The following TENM3 variants were observed in gnomAD, a reference collection of about 807,000 sequenced individuals.
The protein encoded by TENM3 is teneurin transmembrane protein 3.
A neutral mutation model predicts 255.1 loss-of-function variants in TENM3; 63 were observed. The ratio of observed to expected loss-of-function variants is 0.25; its 90% CI spans 0.20 to 0.30. The LOEUF (loss-of-function observed/expected upper bound fraction) is 0.30. Ranked by LOEUF, TENM3 falls within the 10% of genes least tolerant of loss-of-function variation. The pLI, the probability that TENM3 is intolerant of heterozygous loss-of-function variation, is 1.00. For synonymous variants in TENM3, 1,306 were observed against 1,322.3 expected, an observed-to-expected ratio of 0.99 and a Z score of 0.27; for missense variants, 2,929 against 3,461.1, an observed-to-expected ratio of 0.85 and a Z score of 3.86.
chr4:182,365,433 T>G (rs1364559380), intron 3 of TENM3, among the ~76,000 whole-genome samples: 1 of 152,146 alleles, frequency 6.6e-6, no homozygotes, highest in Non-Finnish European at 1.5e-5. Context: ...TAGACATAGG[T>G]GTAAGTTTCA....
chr4:181,453,242 G>A, the TENM3 span, among the ~76,000 whole-genome samples: 1 of 152,170 alleles, frequency 6.6e-6, no homozygotes, highest in African/African-American at 2.4e-5. Context: ...AAGACAGGAA[G>A]TGTCTGGTGT....
intron 24 of TENM3, among the ~76,000 whole-genome samples, chr4:182,779,886 G>A (rs903537252): frequency 1.3e-4 from 20 of 152,150 alleles, no homozygotes; most frequent in African/African-American, 3.6e-4. Flanking sequence ...CGTGTCCTTC[G>A]CCCACTTTTT....
At chr4:182,550,825 T>C (rs561944638) in intron 3 of TENM3, among the ~76,000 whole-genome samples, 1 of 152,204 alleles carries the variant, frequency 6.6e-6, no homozygotes, top group South Asian at 2.1e-4. Context: ...TCCTGAGGCG[T>C]TGGGATTGGG....
chr4:182,357,145 C>T (rs13113422), intron 3 of TENM3, among the ~76,000 whole-genome samples: 1 of 151,906 alleles, frequency 6.6e-6, no homozygotes, highest in Non-Finnish European at 1.5e-5. Flanking sequence ...GGTTCCAAGT[C>T]TTTGCTATTG....
chr4:182,580,747 A>C (rs1362585689), intron 3 of TENM3, among the ~76,000 whole-genome samples: 1 of 152,200 alleles, frequency 6.6e-6, no homozygotes, highest in African/African-American at 2.4e-5. Flanking sequence ...TTTACTGCTA[A>C]CCCTGATGGG....
chr4:182,271,456 C>T (rs1429055012), intron 1 of TENM3, among the ~76,000 whole-genome samples: 1 of 152,130 alleles, frequency 6.6e-6, no homozygotes, highest in Non-Finnish European at 1.5e-5. Flanking sequence ...GGTGGAGGCG[C>T]AGGACATCAG....
At chr4:182,080,965 T>A in the TENM3 span, among the ~76,000 whole-genome samples, 1 of 152,230 alleles carries the variant, frequency 6.6e-6, no homozygotes, top group African/African-American at 2.4e-5. Flanking sequence ...CACTCCAGCC[T>A]GGGTGACAGA....
chr4:182,705,848 C>CTTGTTTTTAT (rs1254658520), intron 12 of TENM3, among the ~76,000 whole-genome samples: 1 of 152,146 alleles, frequency 6.6e-6, no homozygotes, highest in East Asian at 1.9e-4. Context: ...TTTCAACTTA[C>CTTGTTTTTAT]TTGTTTTTAT....
At chr4:182,562,988 CT>C (rs1246136731) in intron 3 of TENM3, among the ~76,000 whole-genome samples, 1 of 151,890 alleles carries the variant, frequency 6.6e-6, no homozygotes, top group African/African-American at 2.4e-5. Flanking sequence ...GCTTTAACAA[CT>C]TTTTTTTTCC....
chr4:181,892,076 C>T, the TENM3 span, among the ~76,000 whole-genome samples: 17 of 152,198 alleles, frequency 1.1e-4, no homozygotes, highest in Admixed American at 6.5e-5. Context: ...TGATCTTGGA[C>T]TTCCCAGTCT....
chr4:181,919,881 CCCT>C, the TENM3 span, among the ~76,000 whole-genome samples: 1 of 107,002 alleles, frequency 9.3e-6, no homozygotes, highest in Non-Finnish European at 1.8e-5. Context: ...TATCCCTCCC[CCCT>C]CCCCCCACCC....
chr4:182,754,878 T>C lies in TENM3; in HGVS notation c.4511T>C (p.Leu1504Ser). The C allele has an allele frequency of 6.2e-7, 1 of 1,614,068 alleles. No homozygotes were observed. The highest frequency in any genetic ancestry group is 8.5e-7 in the Non-Finnish European group (1 of 1,179,902). Residue 1504 changes from leucine to serine, a missense_variant, in exon 22 of 28, where the codon TTA (leucine) becomes TCA (serine). Physicochemically the swap from Leu to Ser is moderately radical, Grantham distance 145. Around this residue, in one of 6 missense-constraint regions of TENM3, gnomAD observed 1,608 missense variants for 1,884.4 expected, o/e 0.85. Coordinates refer to ENST00000511685, the MANE Select transcript of TENM3 (RefSeq NM_001080477.4). This position sits in a 1 kb window ranked among gnomAD's most constrained non-coding sequence, Gnocchi z 5.1. ...CGGGCTGTGTCAAAGAATAAGCCTT[T>C]ACTTAACTCTATGAACTTCTATGAA... ...RIRAVSKNKP[L>S]LNSMNFYEVA...
the TENM3 span, among the ~76,000 whole-genome samples, chr4:181,727,908 T>C: frequency 6.6e-6 from 1 of 152,370 alleles, no homozygotes; most frequent in East Asian, 1.9e-4. Context: ...AAGTCTACTA[T>C]GCCTTAATTT....
chr4:181,850,887 A>C, the TENM3 span, among the ~76,000 whole-genome samples: 1 of 151,962 alleles, frequency 6.6e-6, no homozygotes, highest in East Asian at 1.9e-4. Context: ...TTTCTCCTTC[A>C]CTCCATTCCA....
the TENM3 span, among the ~76,000 whole-genome samples, chr4:181,574,557 C>T: frequency 6.6e-6 from 1 of 151,536 alleles, no homozygotes; most frequent in Admixed American, 6.6e-5. Context: ...AAAAAAATGT[C>T]TTCCAGTTTA....
the TENM3 span, among the ~76,000 whole-genome samples, chr4:181,548,938 C>G: frequency 6.6e-6 from 1 of 152,264 alleles, no homozygotes; most frequent in Admixed American, 6.5e-5. Context: ...AAGGTAAAAA[C>G]AGAAGGTAAC....
At chr4:182,693,316 A>AT in intron 12 of TENM3, among the ~76,000 whole-genome samples, 1 of 152,018 alleles carries the variant, frequency 6.6e-6, no homozygotes, top group Middle Eastern at 3.4e-3. Context: ...TTTATTCACT[A>AT]TAACTGGTAT....
At chr4:182,524,553 G>C (rs1738945152) in intron 3 of TENM3, among the ~76,000 whole-genome samples, 1 of 151,494 alleles carries the variant, frequency 6.6e-6, no homozygotes, top group South Asian at 2.1e-4. Flanking sequence ...TAGAGGCAGA[G>C]TTTTGCTATG....
At chr4:182,589,068 A>G (rs1222970852) in intron 3 of TENM3, among the ~76,000 whole-genome samples, 1 of 152,226 alleles carries the variant, frequency 6.6e-6, no homozygotes, top group African/African-American at 2.4e-5. Flanking sequence ...AGACATGAAT[A>G]AATATATATT....
Sources: gnomAD v4.1 joint callset for allele counts (sites outside exome capture counted in the v4.1 genomes callset) on GRCh38, gnomAD v4.1.1 for gene constraint, gnomAD v4.1.1 regional missense constraint, Gnocchi (gnomAD v3.1) non-coding constraint, MANE v1.5 for transcripts, NCBI Gene and HGNC (gene_info 2026-07-23, HGNC 2026-07-21) for gene names.